Variants in WDR72 observed in about 807,000 individuals in gnomAD.
WDR72 encodes the protein WD repeat-containing protein 72.
WDR72 carries 120 observed loss-of-function variants against 124.2 expected under a neutral mutation model. The observed-to-expected ratio is 0.97, with a 90% CI of 0.83 to 1.12. The LOEUF (loss-of-function observed/expected upper bound fraction) is 1.12. Among genes scored for constraint, WDR72 ranks in the 50% most tolerant of loss-of-function variants. The pLI is 0.00. For synonymous variants in WDR72, 452 were observed against 441.7 expected (o/e 1.02, Z -0.29); for missense variants, 1,387 against 1,278.8 (o/e 1.08, Z -1.29).
At chr15:53,614,479 A>G (rs1420172645) in intron 15 of WDR72, among the ~76,000 whole-genome samples, 1 of 152,062 alleles carries the variant, frequency 6.6e-6, no homozygotes, top group Non-Finnish European at 1.5e-5. Context: ...CCTTCATTCT[A>G]TAATTTGTTT....
chr15:53,695,550 G>A (rs2016977169), intron 13 of WDR72, among the ~76,000 whole-genome samples: 1 of 152,110 alleles, frequency 6.6e-6, no homozygotes, highest in Admixed American at 6.6e-5. Flanking sequence ...TAAACATCAT[G>A]GGACATCCGG....
rs182257296 is a variant in WDR72 at position 53,704,775 on chromosome 15, G to T, written c.1348+213C>A. On this transcript the variant is annotated intron_variant, in intron 11 of 19. Coordinates refer to ENST00000360509, the MANE Select transcript of WDR72 (RefSeq NM_182758.4). Reference sequence around the variant, plus strand: ...TCTCGATCTCCTGACCTCGTGATCCGCCCGCCTTGGCCTCCCAAAGTGCTA... The same window carrying T: ...TCTCGATCTCCTGACCTCGTGATCCTCCCGCCTTGGCCTCCCAAAGTGCTA... 1.7e-4 allele frequency among the ~76,000 whole-genome samples: 23 copies of T among 133,280 alleles called. No homozygotes were observed. In the East Asian group the frequency reaches 4.7e-3, roughly 27 times the overall value. 87.4% of individuals were successfully genotyped at this position (133,280 alleles called of 152,430 possible). A position where few individuals can be genotyped will look rare whatever the true frequency, so the allele number is the denominator to read the frequency against.
At chr15:53,578,864 G>C (rs2011763612) in intron 18 of WDR72, among the ~76,000 whole-genome samples, 1 of 152,092 alleles carries the variant, frequency 6.6e-6, no homozygotes, top group Non-Finnish European at 1.5e-5. Context: ...TAAGTCTCAA[G>C]GTGACATTGC....
rs534447047 is a variant in WDR72, at chr15:53,673,760, T to G, written c.1766-7992A>C. 5.3e-5 allele frequency among the ~76,000 whole-genome samples: 8 copies of G among 152,142 alleles called. No homozygotes were observed. The South Asian group carries it at 1.2e-3, about 24-fold the overall frequency. ...ATCCCAGCACTTTGGGAGGCCGAGGTGGGTGGATCACCTGAGGTCAGGAGT... is the reference window on the plus strand; with the variant it reads ...ATCCCAGCACTTTGGGAGGCCGAGGGGGGTGGATCACCTGAGGTCAGGAGT... On this transcript the variant is annotated intron_variant, in intron 13 of 19. Coordinates refer to ENST00000360509, the MANE Select transcript of WDR72 (RefSeq NM_182758.4).
intron 13 of WDR72, among the ~76,000 whole-genome samples, chr15:53,691,644 TAGATAG>T (rs1382779683): frequency 5.3e-5 from 5 of 94,320 alleles, no homozygotes; most frequent in African/African-American, 1.8e-4. Flanking sequence ...GATAGATAGA[TAGATAG>T]ATAGATAGAT....
intron 13 of WDR72, among the ~76,000 whole-genome samples, chr15:53,668,179 T>TA (rs2015844897): frequency 6.6e-6 from 1 of 152,254 alleles, no homozygotes; most frequent in Non-Finnish European, 1.5e-5. Flanking sequence ...CTAAAAATGT[T>TA]AGACACTCGG....
chr15:53,559,493 C>A (rs546699844), intron 18 of WDR72, among the ~76,000 whole-genome samples: 2 of 152,132 alleles, frequency 1.3e-5, no homozygotes, highest in South Asian at 4.1e-4. Context: ...TGACCTCCAA[C>A]CTGATCTGAA....
intron 9 of WDR72, 32 bp downstream of exon 9, chr15:53,710,825 G>C: frequency 6.6e-7 from 1 of 1,526,654 alleles, no homozygotes; most frequent in Non-Finnish European, 9.1e-7. Context: ...GAGTGAAACA[G>C]CTTTGAGGCA....
intron 1 of WDR72, among the ~76,000 whole-genome samples, chr15:53,757,350 C>T (rs1312886511): frequency 6.6e-6 from 1 of 152,114 alleles, no homozygotes; most frequent in Non-Finnish European, 1.5e-5. Flanking sequence ...TGGCCAGGCA[C>T]GGTGGCTCAT....
chr15:53,712,554 C>T (rs575624344), intron 7 of WDR72, among the ~76,000 whole-genome samples: 2 of 151,638 alleles, frequency 1.3e-5, no homozygotes, highest in South Asian at 2.1e-4. Flanking sequence ...GAGATCGTGC[C>T]GCTGCACTCC....
chr15:53,563,533 T>C (rs1303698029), intron 18 of WDR72, among the ~76,000 whole-genome samples: 1 of 151,660 alleles, frequency 6.6e-6, no homozygotes, highest in Admixed American at 6.6e-5. Context: ...GTCATGGGGG[T>C]TTGTTGTACA....
At chr15:53,531,648 G>A (rs1321498162) in intron 18 of WDR72, among the ~76,000 whole-genome samples, 3 of 151,930 alleles carry the variant, frequency 2.0e-5, no homozygotes, top group Non-Finnish European at 2.9e-5. Flanking sequence ...CCTAAAGAAA[G>A]CCAAGTTTTA....
intron 8 of WDR72, 146 bp from the exon 9 acceptor site, chr15:53,711,099 C>G: frequency 1.1e-6 from 1 of 908,416 alleles, no homozygotes; most frequent in Non-Finnish European, 1.7e-6. Context: ...TTACAAGTGA[C>G]TTTTTGAAAA....
chr15:53,667,991 A>T (rs2015838572), intron 13 of WDR72, among the ~76,000 whole-genome samples: 1 of 152,172 alleles, frequency 6.6e-6, no homozygotes, highest in Admixed American at 6.5e-5. Context: ...ACCATGTACC[A>T]TCCACCATGC....
At position 53,558,799 on chromosome 15, in the gene WDR72, T is replaced by C. The variant is rs560055825; in HGVS notation, c.3149-35477A>G. ...ACTGAGGCTGGCCTATTCTGATGCA[T>C]AGCAGTAAATGGCACCTGCCTTTTG... On this transcript the variant is annotated intron_variant, in intron 18 of 19. Transcript: ENST00000360509. Among the ~76,000 whole-genome samples the C allele has an allele frequency of 7.2e-5, 11 of 152,186 alleles. No homozygotes were observed. In the East Asian group the frequency reaches 1.4e-3, roughly 19 times the overall value.
chr15:53,613,202 T>C (rs1019054142), intron 16 of WDR72, among the ~76,000 whole-genome samples: 2 of 152,114 alleles, frequency 1.3e-5, no homozygotes, highest in African/African-American at 4.8e-5. Flanking sequence ...AATATAACCT[T>C]CTGAAATTGC....
In WDR72 at chr15:53,722,056, T is replaced by C. The variant is rs191383519; in HGVS notation, c.260+746A>G. On this transcript the variant is annotated intron_variant, in intron 3 of 19. Transcript: ENST00000360509. ...TTTATTTTTTATTTTTATTTATTTA[T>C]TTATTTTGAGACTGTCGCCCAGGCT... 1.8e-4 allele frequency among the ~76,000 whole-genome samples: 27 copies of C among 152,050 alleles called. No individual in the cohort carries two copies. The East Asian group carries it at 4.8e-3, about 27-fold the overall frequency.
In WDR72 at chr15:53,716,627, A is replaced by C; in HGVS notation, c.319T>G (p.Tyr107Asp). 1 of 1,608,932 alleles carries C rather than the reference A, an allele frequency of 6.2e-7. No homozygotes were observed. Among genetic ancestry groups the C allele is most frequent in the Non-Finnish European group, 8.5e-7 (1 of 1,175,268 alleles). Residue 107 changes from tyrosine to aspartate, a missense_variant, in exon 4 of 20, where the codon TAC becomes GAC. Coordinates refer to ENST00000360509, the MANE Select transcript of WDR72 (RefSeq NM_182758.4). ...CTTACACAGATTGCAGTGTGCCTGTAAGGAAGTGTAGCCTTCTCCATGCAC... is the reference window on the plus strand; with the variant it reads ...CTTACACAGATTGCAGTGTGCCTGTCAGGAAGTGTAGCCTTCTCCATGCAC... ...GQCMEKATLP[Y>D]RHTAICYYHC...
Position 53,702,215 on chromosome 15 carries a change from G to T in WDR72, c.1488C>A (p.Ile496=), listed in dbSNP as rs541688639. Reference sequence around the variant, plus strand: ...ATTTATGCAAAATTTCTTCAGTAAAGATATCCCACAAGATCACACATGAGT... The same window carrying T: ...ATTTATGCAAAATTTCTTCAGTAAATATATCCCACAAGATCACACATGAGT... The part of the protein sequence containing the change: ...DLDSCVILWD[I]FTEEILHKFF... The change falls in exon 12 of 20, where the codon ATC becomes ATA. Residue 496 remains isoleucine, a synonymous_variant. Coordinates refer to ENST00000360509, the MANE Select transcript of WDR72 (RefSeq NM_182758.4). 1 of 1,614,094 alleles carries T rather than the reference G, an allele frequency of 6.2e-7. No individual in the cohort carries two copies. The highest frequency in any genetic ancestry group is 1.3e-5 in the African/African-American group (1 of 75,034).
Sources: gnomAD v4.1 joint callset for allele counts (sites outside exome capture counted in the v4.1 genomes callset) on GRCh38, gnomAD v4.1.1 for gene constraint, MANE v1.5 for transcripts, NCBI Gene and HGNC (gene_info 2026-07-23, HGNC 2026-07-21) for gene names.